The following RB1CC1 variants were observed in gnomAD, a reference collection of about 807,000 sequenced individuals.
RB1CC1 encodes RB1 inducible coiled-coil 1, also known as RB1-inducible coiled-coil protein 1.
A neutral mutation model predicts 177.5 loss-of-function variants in RB1CC1; 46 were observed. The observed-to-expected ratio is 0.26, with a 90% CI of 0.20 to 0.33. RB1CC1 has a LOEUF of 0.33. RB1CC1 is among the 10% of genes least tolerant of loss of function. RB1CC1 has a pLI of 1.00. For missense variants in RB1CC1, 1,703 were observed against 1,816.3 expected, an observed-to-expected ratio of 0.94 and a Z score of 1.13; for synonymous variants, 666 against 613.6, an observed-to-expected ratio of 1.09 and a Z score of -1.26.
Position 52,661,078 on chromosome 8 carries a change from G to C in RB1CC1, c.1545+17C>G. The C allele has an allele frequency of 6.2e-7, 1 of 1,611,214 alleles. No homozygotes were observed. Among genetic ancestry groups the C allele is most frequent in the South Asian group, 1.1e-5 (1 of 90,806 alleles). On this transcript the variant is annotated intron_variant, in intron 10 of 23. Coordinates refer to ENST00000025008, the MANE Select transcript of RB1CC1 (RefSeq NM_014781.5). ...TTAAAGTTCATATACAGTTAAAATA[G>C]AATTCAACTTGCATACCTCCCTGTA...
At chr8:52,701,492 T>G (rs1856050404) in intron 1 of RB1CC1, among the ~76,000 whole-genome samples, 1 of 152,188 alleles carries the variant, frequency 6.6e-6, no homozygotes, top group Non-Finnish European at 1.5e-5. Flanking sequence ...GCCTGAACAC[T>G]CTGATCCAGT....
intron 15 of RB1CC1, among the ~76,000 whole-genome samples, chr8:52,648,121 C>T (rs554570108): frequency 1.3e-5 from 2 of 152,062 alleles, no homozygotes; most frequent in Non-Finnish European, 2.9e-5. Flanking sequence ...ATAGACACCC[C>T]TGACACTCTC....
Position 52,657,279 on chromosome 8 carries a change from T to G in RB1CC1, c.2550A>C (p.Lys850Asn). Residue 850 changes from lysine to asparagine, a missense_variant, in exon 15 of 24, where the codon AAA becomes AAC. Lys to Asn is a moderately conservative substitution (Grantham distance 94). Around this residue, in one of 6 missense-constraint regions of RB1CC1, gnomAD observed 1,169 missense variants for 1,184.7 expected, o/e 0.99. Transcript: ENST00000025008. ...GTGTTATTTCCAGAGAACATTTTAC[T>G]TTTTCAATAATGTTTCTTATTTCTA... ...TAVEIRNIIE[K>N]VKCSLEITLK... 2 of 1,605,118 alleles carry G rather than the reference T, an allele frequency of 1.2e-6. No homozygotes were observed. The highest frequency in any genetic ancestry group is 1.7e-6 in the Non-Finnish European group (2 of 1,172,600).
At chr8:52,697,275 T>C (rs1855503451) in intron 1 of RB1CC1, among the ~76,000 whole-genome samples, 1 of 150,472 alleles carries the variant, frequency 6.6e-6, no homozygotes, top group South Asian at 2.1e-4. Context: ...AATGACTCTG[T>C]TTCTTCAACA....
At chr8:52,631,556 A>G (rs1404150210) in intron 20 of RB1CC1, among the ~76,000 whole-genome samples, 1 of 152,228 alleles carries the variant, frequency 6.6e-6, no homozygotes, top group Non-Finnish European at 1.5e-5. Context: ...TAGAATTTCT[A>G]TACATCTCTG....
intron 2 of RB1CC1, among the ~76,000 whole-genome samples, chr8:52,686,374 T>C (rs934313718): frequency 6.6e-5 from 10 of 152,160 alleles, no homozygotes; most frequent in African/African-American, 2.4e-4. Flanking sequence ...CAACACCCTG[T>C]CTGCACAAAA....
intron 1 of RB1CC1, among the ~76,000 whole-genome samples, chr8:52,696,449 C>G (rs1444845970): frequency 6.6e-6 from 1 of 151,988 alleles, no homozygotes; most frequent in Non-Finnish European, 1.5e-5. Context: ...TGCCATAAAG[C>G]AAGACAGCTA....
chr8:52,681,918 A>G (rs371261990), intron 5 of RB1CC1, among the ~76,000 whole-genome samples: 4 of 152,226 alleles, frequency 2.6e-5, no homozygotes, highest in African/African-American at 9.6e-5. Flanking sequence ...AGGGCAGTGT[A>G]GAAGGAAAAT....
intron 8 of RB1CC1, among the ~76,000 whole-genome samples, chr8:52,662,269 C>G (rs1851699801): frequency 6.6e-6 from 1 of 152,040 alleles, no homozygotes; most frequent in African/African-American, 2.4e-5. Flanking sequence ...TGATTTTACA[C>G]AGAGTTTATA....
In RB1CC1 at chr8:52,661,724, G is replaced by A. The variant is rs1264650574; in HGVS notation, c.1174-5C>T. ...CTTCTGATTAGCTAAAAATCCCTTT[G>A]AGAAAAAAAATGTTTCAAAGGACAT... is the stretch of plus-strand genomic sequence containing the variant. On this transcript the variant is annotated splice_region_variant and splice_polypyrimidine_tract_variant and intron_variant, in intron 8 of 23. Coordinates refer to ENST00000025008, the MANE Select transcript of RB1CC1 (RefSeq NM_014781.5). The A allele has an allele frequency of 2.0e-6, 3 of 1,531,596 alleles. No individual in the cohort carries two copies. Among genetic ancestry groups the A allele is most frequent in the Admixed American group, 4.4e-5 (2 of 45,108 alleles). 94.9% of individuals were successfully genotyped at this position (1,531,596 alleles called of 1,614,324 possible). A position where few individuals can be genotyped will look rare whatever the true frequency, so the allele number is the denominator to read the frequency against.
intron 7 of RB1CC1, among the ~76,000 whole-genome samples, chr8:52,673,188 G>C (rs995440620): frequency 6.6e-6 from 1 of 152,168 alleles, no homozygotes; most frequent in Non-Finnish European, 1.5e-5. Flanking sequence ...GACAACAGCA[G>C]CCTTCACAAC....
At position 52,657,869 on chromosome 8, in the gene RB1CC1, G is replaced by A. The variant is rs1305357715; in HGVS notation, c.1960C>T (p.Pro654Ser). The A allele has an allele frequency of 4.3e-6, 7 of 1,613,966 alleles. No individual in the cohort carries two copies. Among genetic ancestry groups the A allele is most frequent in the Non-Finnish European group, 5.9e-6 (7 of 1,179,952 alleles). Residue 654 changes from proline (P) to serine (S), a missense_variant, in exon 15 of 24, where the codon CCA becomes TCA. Physicochemically the swap from Pro to Ser is moderately conservative, Grantham distance 74. This residue lies in a region of RB1CC1 where 1,169 missense variants were observed against 1,184.7 expected (regional missense o/e 0.99). Coordinates refer to ENST00000025008, the MANE Select transcript of RB1CC1 (RefSeq NM_014781.5). ...ATTCCTGCTGTACTTTCCATCCTTG[G>A]TGAAGAAGCAGACTGTGGGGATGTC... ...SQTSPQSASS[P>S]RMESTAGITT...
intron 1 of RB1CC1, among the ~76,000 whole-genome samples, chr8:52,705,247 T>G (rs1483875806): frequency 6.6e-6 from 1 of 152,220 alleles, no homozygotes; most frequent in African/African-American, 2.4e-5. Context: ...TACCTGCACT[T>G]GTGTATCTAT....
intron 20 of RB1CC1, 96 bp downstream of exon 20, chr8:52,634,825 A>G: frequency 9.3e-7 from 1 of 1,075,496 alleles, no homozygotes; most frequent in East Asian, 2.5e-5. Context: ...TAAGTCAATC[A>G]AAGCATACAT....
At chr8:52,641,450 T>A (rs565197712) in intron 18 of RB1CC1, among the ~76,000 whole-genome samples, 4 of 151,764 alleles carry the variant, frequency 2.6e-5, no homozygotes, top group Non-Finnish European at 5.9e-5. Flanking sequence ...GCAACCCTGC[T>A]GGTGTATCAT....
chr8:52,708,796 G>T (rs575035916), intron 1 of RB1CC1, among the ~76,000 whole-genome samples: 1 of 152,122 alleles, frequency 6.6e-6, no homozygotes, highest in Non-Finnish European at 1.5e-5. Flanking sequence ...ATATTGATCC[G>T]ACAGGGTGGT....
intron 8 of RB1CC1, among the ~76,000 whole-genome samples, chr8:52,662,251 G>A (rs545587047): frequency 6.6e-6 from 1 of 152,204 alleles, no homozygotes; most frequent in African/African-American, 2.4e-5. Context: ...GACAATGACT[G>A]AATTGTGTGA....
intron 5 of RB1CC1, among the ~76,000 whole-genome samples, chr8:52,680,840 G>C (rs954005753): frequency 1.3e-5 from 2 of 152,124 alleles, no homozygotes; most frequent in Non-Finnish European, 2.9e-5. Flanking sequence ...CATTCAAAAA[G>C]AGACCAAGTA....
At chr8:52,697,813 G>A (rs1190798911) in intron 1 of RB1CC1, among the ~76,000 whole-genome samples, 1 of 152,112 alleles carries the variant, frequency 6.6e-6, no homozygotes, top group Non-Finnish European at 1.5e-5. Context: ...AGGTCAGAAT[G>A]TATTTTAAAT....
Sources: allele counts gnomAD v4.1 joint callset (sites outside exome capture counted in the v4.1 genomes callset), GRCh38; gene constraint gnomAD v4.1.1; regional missense constraint gnomAD v4.1.1; transcripts MANE v1.5; gene names NCBI Gene and HGNC (gene_info 2026-07-23, HGNC 2026-07-21).